Variants in TAPT1 observed in about 807,000 individuals in gnomAD.
TAPT1 encodes transmembrane anterior posterior transformation 1.
Under a neutral mutation model 65.6 loss-of-function variants are expected in TAPT1, and 28 were observed. The ratio of observed to expected loss-of-function variants is 0.43; its 90% CI spans 0.32 to 0.59. TAPT1 has a LOEUF of 0.59. Ranked by LOEUF, TAPT1 falls within the 20% of genes least tolerant of loss-of-function variation. The pLI, the probability that TAPT1 is intolerant of heterozygous loss-of-function variation, is 0.09. For synonymous variants in TAPT1, 278 were observed against 245.2 expected (o/e 1.13, Z -1.25); for missense variants, 563 against 679.9 (o/e 0.83, Z 1.91).
rs988698798 is a variant in TAPT1 at position 16,202,448 on chromosome 4, G to A, written c.449+14C>T. 1.6e-5 allele frequency: 22 copies of A among 1,390,436 alleles called. No homozygotes were observed. Among genetic ancestry groups the A allele is most frequent in the South Asian group, 3.8e-5 (3 of 79,898 alleles). 86.1% of individuals were successfully genotyped at this position (1,390,436 alleles called of 1,614,324 possible). A position where few individuals can be genotyped will look rare whatever the true frequency, so the allele number is the denominator to read the frequency against. ...ATACTATACATTTACAATAGTTAAC[G>A]ATCTTAAACTTACCTTAAGCCATAG... On this transcript the variant is annotated intron_variant, in intron 3 of 13. Coordinates refer to ENST00000405303, the MANE Select transcript of TAPT1 (RefSeq NM_153365.3).
chr4:16,167,223 C>CCCAG, intron 12 of TAPT1, among the ~76,000 whole-genome samples: 1 of 151,882 alleles, frequency 6.6e-6, no homozygotes, highest in Non-Finnish European at 1.5e-5. Context: ...AAACTCCTGA[C>CCCAG]CTTGTGATCC....
chr4:16,220,847 G>A (rs1376635778), intron 1 of TAPT1, among the ~76,000 whole-genome samples: 1 of 141,560 alleles, frequency 7.1e-6, no homozygotes, highest in African/African-American at 2.6e-5. Flanking sequence ...TTTTTTTTTT[G>A]AGACAGGGTC....
At position 16,202,595 on chromosome 4, in the gene TAPT1, G is replaced by T; in HGVS notation, c.331-15C>A. 7.3e-7 allele frequency: 1 copy of T among 1,369,356 alleles called. No individual in the cohort carries two copies. The highest frequency in any genetic ancestry group is 9.9e-7 in the Non-Finnish European group (1 of 1,013,356). The allele number at this position is 1,369,356 out of a possible 1,614,324, so 84.8% of individuals were successfully genotyped here. On this transcript the variant is annotated splice_polypyrimidine_tract_variant and intron_variant, in intron 2 of 13. Coordinates refer to ENST00000405303, the MANE Select transcript of TAPT1 (RefSeq NM_153365.3). ...AAAACCATCAGCTGAATTTTAACAA[G>T]GAGAGAAGAAAAAAAAAAAGTATTT... is the stretch of plus-strand genomic sequence containing the variant.
rs1437122011 is a variant in TAPT1, at chr4:16,162,000, G to A, written c.*1308C>T. The A allele has an allele frequency of 6.6e-6, 1 of 152,172 alleles. No homozygotes were observed. Among genetic ancestry groups the A allele is most frequent in the Non-Finnish European group, 1.5e-5 (1 of 68,012 alleles). The allele number at this position is 152,172 out of a possible 1,614,324, so 9.4% of individuals were successfully genotyped here. On this transcript the variant is annotated 3_prime_UTR_variant, in exon 14 of 14. Coordinates refer to ENST00000405303, the MANE Select transcript of TAPT1 (RefSeq NM_153365.3). Reference sequence around the variant, plus strand: ...ACAGAAATGCAAACACGGTTGTCAAGATAAAATGGGGTGGGAAATAACTTC... The same window carrying A: ...ACAGAAATGCAAACACGGTTGTCAAAATAAAATGGGGTGGGAAATAACTTC...
intron 3 of TAPT1, among the ~76,000 whole-genome samples, chr4:16,192,837 C>T (rs1013898976): frequency 6.6e-6 from 1 of 152,162 alleles, no homozygotes; most frequent in Admixed American, 6.5e-5. Flanking sequence ...AGCAACAATA[C>T]AGGGGTGGGC....
intron 1 of TAPT1, among the ~76,000 whole-genome samples, chr4:16,219,782 A>G (rs566335787): frequency 6.6e-6 from 1 of 152,200 alleles, no homozygotes; most frequent in Non-Finnish European, 1.5e-5. Context: ...GTCCATTTTC[A>G]TATTATGAAA....
At chr4:16,172,147 T>C (rs988481697) in intron 11 of TAPT1, among the ~76,000 whole-genome samples, 6 of 152,204 alleles carry the variant, frequency 3.9e-5, no homozygotes, top group Non-Finnish European at 8.8e-5. Context: ...AAAAGTGTTT[T>C]GTCAATTATT....
chr4:16,218,768 G>A (rs1207394709), intron 1 of TAPT1, among the ~76,000 whole-genome samples: 1 of 152,160 alleles, frequency 6.6e-6, no homozygotes, highest in Non-Finnish European at 1.5e-5. Context: ...AACTTCACAA[G>A]TACTGTAGTA....
chr4:16,176,351 T>A, intron 8 of TAPT1, 123 bp from the exon 9 acceptor site: 1 of 570,486 alleles, frequency 1.8e-6, no homozygotes, highest in South Asian at 2.3e-5. Context: ...AATGATGAAC[T>A]AGCATTCAAT....
At chr4:16,185,107 G>C (rs73234642) in intron 7 of TAPT1, among the ~76,000 whole-genome samples, 10,747 of 151,644 alleles carry the variant, frequency 0.071, 545 homozygotes, top group Middle Eastern at 0.14. Flanking sequence ...TTATGTTTAG[G>C]GTTATGAACC....
intron 7 of TAPT1, among the ~76,000 whole-genome samples, chr4:16,180,615 G>GGACT (rs1748656751): frequency 6.6e-6 from 1 of 152,068 alleles, no homozygotes; most frequent in Non-Finnish European, 1.5e-5. Flanking sequence ...GTACTTCATG[G>GGACT]GACTGTCTTT....
chr4:16,166,483 T>C (rs1319433132), intron 13 of TAPT1, 150 bp downstream of exon 13: 7 of 900,380 alleles, frequency 7.8e-6, no homozygotes, highest in South Asian at 1.7e-5. Flanking sequence ...GCCAGGTATA[T>C]ATGGGATGAA....
rs1748307174 is a variant in TAPT1 at position 16,176,126 on chromosome 4, G to C, written c.1100C>G (p.Thr367Ser). Residue 367 changes from threonine (T) to serine (S), a missense_variant, in exon 9 of 14, where the codon ACT becomes AGT. By Grantham distance (58) the Thr-to-Ser change is moderately conservative. This residue lies in a region of TAPT1 where 104 missense variants were observed against 102.5 expected (regional missense o/e 1.01). Coordinates refer to ENST00000405303, the MANE Select transcript of TAPT1 (RefSeq NM_153365.3). ...HAFITKFNDITADVYSEYRAS... is the reference protein window; with the variant it reads ...HAFITKFNDISADVYSEYRAS... ...GCATATCAAAATACATACATCTGCA[G>C]TAATGTCATTGAATTTAGTAATAAA... The C allele has an allele frequency of 6.7e-7, 1 of 1,495,740 alleles. No homozygotes were observed. Among genetic ancestry groups the C allele is most frequent in the South Asian group, 1.2e-5 (1 of 80,090 alleles). 92.7% of individuals were successfully genotyped at this position (1,495,740 alleles called of 1,614,324 possible).
At chr4:16,219,103 G>A (rs1413949292) in intron 1 of TAPT1, among the ~76,000 whole-genome samples, 1 of 152,162 alleles carries the variant, frequency 6.6e-6, no homozygotes, top group Non-Finnish European at 1.5e-5. Flanking sequence ...AGGTTCTACT[G>A]TTATGCCCAT....
chr4:16,185,578 G>A (rs758118246), intron 7 of TAPT1, among the ~76,000 whole-genome samples: 13 of 151,886 alleles, frequency 8.6e-5, no homozygotes, highest in Non-Finnish European at 8.8e-5. Flanking sequence ...CATGTTGGCC[G>A]GGCTGGTCTT....
At chr4:16,173,414 T>C (rs1231347831) in intron 11 of TAPT1, among the ~76,000 whole-genome samples, 1 of 152,182 alleles carries the variant, frequency 6.6e-6, no homozygotes, top group African/African-American at 2.4e-5. Flanking sequence ...AAAATACATA[T>C]TTCTTTTTAT....
chr4:16,186,951 G>C lies in TAPT1; in HGVS notation c.749-73C>G, dbSNP rs1749057400. The C allele has an allele frequency of 3.7e-6, 3 of 805,480 alleles. No individual in the cohort carries two copies. In the African/African-American group the frequency reaches 5.2e-5, roughly 14 times the overall value. 49.9% of individuals were successfully genotyped at this position (805,480 alleles called of 1,614,324 possible). A position where few individuals can be genotyped will look rare whatever the true frequency, so the allele number is the denominator to read the frequency against. On this transcript the variant is annotated intron_variant, in intron 5 of 13. Coordinates refer to ENST00000405303, the MANE Select transcript of TAPT1 (RefSeq NM_153365.3). The stretch of plus-strand genomic sequence containing the variant: ...CTGATAATACTATAAAATTTTGAAA[G>C]TGAATAATAAAGATGACTTTCTTTT...
At chr4:16,181,069 G>A (rs1578428306) in intron 7 of TAPT1, among the ~76,000 whole-genome samples, 1 of 152,184 alleles carries the variant, frequency 6.6e-6, no homozygotes, top group East Asian at 1.9e-4. Flanking sequence ...AGAGGATACA[G>A]GTTAAAGGAA....
At chr4:16,179,802 ATGTGTGTGTGTGTGTGTG>A in intron 7 of TAPT1, 145 bp from the exon 8 acceptor site, 34 of 309,430 alleles carry the variant, frequency 1.1e-4, no homozygotes, top group Non-Finnish European at 1.5e-4. Flanking sequence ...ATATATATAT[ATGTGTGTGTGTGTGTGTG>A]TGTGTGTATA....
Sources: gnomAD v4.1 joint callset for allele counts (sites outside exome capture counted in the v4.1 genomes callset) on GRCh38, gnomAD v4.1.1 for gene constraint, gnomAD v4.1.1 regional missense constraint, MANE v1.5 for transcripts, NCBI Gene and HGNC (gene_info 2026-07-23, HGNC 2026-07-21) for gene names.